Variants in CLIP3 observed in about 807,000 individuals in gnomAD.
CLIP3 encodes the protein CAP-Gly domain containing linker protein 3, also known as CAP-Gly domain-containing linker protein 3.
In CLIP3, 15 loss-of-function variants were observed where a neutral mutation model predicts 59.4. The observed-to-expected ratio is 0.25, with a 90% CI of 0.17 to 0.39. The LOEUF is 0.39. CLIP3 is among the 10% of genes least tolerant of loss of function. The probability of loss-of-function intolerance (pLI) is 1.00; values close to 1 mark genes in which losing one functional copy is unlikely to be tolerated. For missense variants in CLIP3, 495 were observed against 765.7 expected, an observed-to-expected ratio of 0.65 and a Z score of 4.17; for synonymous variants, 300 against 321.6, an observed-to-expected ratio of 0.93 and a Z score of 0.72.
Position 36,018,922 on chromosome 19 carries a change from C to G in CLIP3, c.1159G>C (p.Gly387Arg). 1 of 1,613,476 alleles carries G rather than the reference C, an allele frequency of 6.2e-7. No homozygotes were observed. Among genetic ancestry groups the G allele is most frequent in the South Asian group, 1.1e-5 (1 of 90,994 alleles). ...TPRMDFSRVT[G>R]KGRREHKGKK... ...CCTTTGTGTTCCCTGCGGCCTTTGC[C>G]GGTGACACGGGAGAAGTCCATCCGG... is the stretch of plus-strand genomic sequence containing the variant. Residue 387 changes from glycine (G) to arginine (R), a missense_variant, in exon 9 of 14, where the codon GGC (glycine) becomes CGC (arginine). Physicochemically the swap from Gly to Arg is moderately radical, Grantham distance 125. Around this residue, in one of 5 missense-constraint regions of CLIP3, gnomAD observed 179 missense variants for 226.2 expected, o/e 0.79. Transcript: ENST00000360535.
In CLIP3 at chr19:36,024,389, C is replaced by T. The variant is rs766730720; in HGVS notation, c.918+7G>A. ...CCACCATGCAAACACACATCCCAGC[C>T]CCTGACCTTCTGGCCATCCAGCAGC... is the stretch of plus-strand genomic sequence containing the variant. On this transcript the variant is annotated splice_region_variant and intron_variant, in intron 7 of 13. Coordinates refer to ENST00000360535, the MANE Select transcript of CLIP3 (RefSeq NM_015526.3). 2 of 1,612,114 alleles carry T rather than the reference C, an allele frequency of 1.2e-6. No individual in the cohort carries two copies. Among genetic ancestry groups the T allele is most frequent in the Non-Finnish European group, 1.7e-6 (2 of 1,179,186 alleles).
chr19:36,023,325 T>C (rs941507360), intron 7 of CLIP3, among the ~76,000 whole-genome samples: 3 of 152,086 alleles, frequency 2.0e-5, no homozygotes, highest in African/African-American at 7.2e-5. Flanking sequence ...CTCACCGCCC[T>C]TCCCATAACT....
intron 6 of CLIP3, among the ~76,000 whole-genome samples, chr19:36,025,323 G>C (rs528492121): frequency 1.8e-4 from 27 of 152,148 alleles, no homozygotes; most frequent in Non-Finnish European, 1.6e-4. Context: ...GGGTGCAGTG[G>C]CTTATGCTTA....
chr19:36,019,444 C>T, intron 7 of CLIP3, 138 bp from the exon 8 acceptor site: 1 of 1,021,266 alleles, frequency 9.8e-7, no homozygotes, highest in Non-Finnish European at 1.5e-6. Flanking sequence ...CATTTGCTGG[C>T]TACATGACTT....
rs897406285 is a variant in CLIP3 at position 36,032,572 on chromosome 19, G to A, written c.-59+152C>T. 57 of 379,602 alleles carry A rather than the reference G, an allele frequency of 1.5e-4. No individual in the cohort carries two copies. Among genetic ancestry groups the A allele is most frequent in the Non-Finnish European group, 2.2e-4 (48 of 214,562 alleles). 23.5% of individuals were successfully genotyped at this position (379,602 alleles called of 1,614,324 possible). A position where few individuals can be genotyped will look rare whatever the true frequency, so the allele number is the denominator to read the frequency against. ...GAGGGCCCCGGTGTGTGCGCCCAGC[G>A]CCTGCCACCTCCCCCAGGCCCAGCC... is the stretch of plus-strand genomic sequence containing the variant. On this transcript the variant is annotated intron_variant, in intron 1 of 13. Transcript: ENST00000360535. This position sits in a 1 kb window ranked among gnomAD's most constrained non-coding sequence, Gnocchi z 4.3.
At chr19:36,018,759 A>G (rs1442101261) in intron 9 of CLIP3, 139 bp downstream of exon 9, 10 of 1,174,402 alleles carry the variant, frequency 8.5e-6, no homozygotes, top group Non-Finnish European at 2.4e-6. Context: ...GGGGAAACTG[A>G]GTCACAGAAG....
intron 7 of CLIP3, 123 bp from the exon 8 acceptor site, chr19:36,019,429 A>G: frequency 8.5e-7 from 1 of 1,176,964 alleles, no homozygotes. Context: ...CAGGTCACAC[A>G]TCACCATTTG....
chr19:36,032,359 G>A lies in CLIP3; in HGVS notation c.-2C>T. 1 of 1,250,148 alleles carries A rather than the reference G, an allele frequency of 8.0e-7. No individual in the cohort carries two copies. Among genetic ancestry groups the A allele is most frequent in the Non-Finnish European group, 1.0e-6 (1 of 987,828 alleles). 77.4% of individuals were successfully genotyped at this position (1,250,148 alleles called of 1,614,324 possible). ...CGGGGCAGGATCTGTCTTAGTCATGGTCCTCGGTGGCCCTCGGGGGGCGGG... is the reference window on the plus strand; with the variant it reads ...CGGGGCAGGATCTGTCTTAGTCATGATCCTCGGTGGCCCTCGGGGGGCGGG... On this transcript the variant is annotated 5_prime_UTR_variant, in exon 2 of 14. Transcript: ENST00000360535. The surrounding 1 kb of genome is among the most constrained non-coding windows in gnomAD (Gnocchi z 4.3).
chr19:36,024,349 G>A (rs1444869312), intron 7 of CLIP3, 47 bp downstream of exon 7: 3 of 1,534,298 alleles, frequency 2.0e-6, no homozygotes, highest in African/African-American at 1.4e-5. Flanking sequence ...TTAAGGGGCT[G>A]AGTCCCACCC....
chr19:36,020,116 G>A (rs1381987697), intron 7 of CLIP3, among the ~76,000 whole-genome samples: 1 of 152,060 alleles, frequency 6.6e-6, no homozygotes, highest in Non-Finnish European at 1.5e-5. Context: ...ACCAGGTGCA[G>A]TAGCTCAAGC....
chr19:36,017,664 C>T lies in CLIP3; in HGVS notation c.1442G>A (p.Arg481His), dbSNP rs1233292286. Residue 481 changes from arginine to histidine, a missense_variant, in exon 11 of 14, where the codon CGT (arginine) becomes CAT (histidine). Transcript: ENST00000360535. ...PRHGVFAPAS[R>H]IQRIGGSTDS... is the part of the protein sequence containing the mutation. The stretch of plus-strand genomic sequence containing the variant: ...GGAAGTTTGGGCTCACCTCTGAATA[C>T]GGGATGCTGGTGCGAAGACCCCATG... 5.6e-6 allele frequency: 9 copies of T among 1,613,810 alleles called. No individual in the cohort carries two copies. Among genetic ancestry groups the T allele is most frequent in the East Asian group, 4.5e-5 (2 of 44,880 alleles).
chr19:36,017,529 A>G (rs890881489), intron 11 of CLIP3, 79 bp from the exon 12 acceptor site: 25 of 1,600,814 alleles, frequency 1.6e-5, no homozygotes, highest in Non-Finnish European at 2.1e-5. Context: ...CCAGGGATCT[A>G]TGAGGAAAGG....
At position 36,024,645 on chromosome 19, in the gene CLIP3, G is replaced by A. The variant is rs1202963644; in HGVS notation, c.682-13C>T. 1.2e-6 allele frequency: 2 copies of A among 1,612,340 alleles called. No individual in the cohort carries two copies. The highest frequency in any genetic ancestry group is 1.7e-6 in the Non-Finnish European group (2 of 1,178,792). ...GTCCTTTTCGATTCTGGGGGCCAAT[G>A]GGAAAAGAAGGCAGGGACTCAGTGG... is the stretch of plus-strand genomic sequence containing the variant. On this transcript the variant is annotated splice_polypyrimidine_tract_variant and intron_variant, in intron 6 of 13. Coordinates refer to ENST00000360535, the MANE Select transcript of CLIP3 (RefSeq NM_015526.3).
rs373851791 is a variant in CLIP3 at position 36,017,462 on chromosome 19, C to T, written c.1452-12G>A. 138 of 1,613,552 alleles carry T rather than the reference C, an allele frequency of 8.6e-5. No homozygotes were observed. Among genetic ancestry groups the T allele is most frequent in the Non-Finnish European group, 1.1e-4 (133 of 1,179,908 alleles). On this transcript the variant is annotated splice_polypyrimidine_tract_variant and intron_variant, in intron 11 of 13. Coordinates refer to ENST00000360535, the MANE Select transcript of CLIP3 (RefSeq NM_015526.3). Reference sequence around the variant, plus strand: ...TGGATCCGCCAATCCTGAGGAGACACGGGGAGGGGGAGAAGTCAGAGCCAC... The same window carrying T: ...TGGATCCGCCAATCCTGAGGAGACATGGGGAGGGGGAGAAGTCAGAGCCAC...
chr19:36,027,954 C>T (rs909155913), intron 2 of CLIP3, among the ~76,000 whole-genome samples: 1 of 151,558 alleles, frequency 6.6e-6, no homozygotes, highest in African/African-American at 2.4e-5. Context: ...TGCTTGAGCC[C>T]AGGAGTTCAA....
chr19:36,018,398 GCAAAACC>G (rs1968858240), intron 9 of CLIP3, among the ~76,000 whole-genome samples: 1 of 152,020 alleles, frequency 6.6e-6, no homozygotes, highest in African/African-American at 2.4e-5. Context: ...GGCCAACATG[GCAAAACC>G]CTGTCTCTAC....
At chr19:36,024,988 T>C (rs879258842) in intron 6 of CLIP3, among the ~76,000 whole-genome samples, 9 of 148,970 alleles carry the variant, frequency 6.0e-5, no homozygotes, top group Admixed American at 4.0e-4. Context: ...ATCGCTTGAA[T>C]CCGGGAAGCA....
rs149100841 is a variant in CLIP3 at position 36,017,943 on chromosome 19, C to T, written c.1232G>A (p.Arg411His). 101 of 1,613,996 alleles carry T rather than the reference C, an allele frequency of 6.3e-5. No individual in the cohort carries two copies. Among genetic ancestry groups the T allele is most frequent in the Non-Finnish European group, 8.1e-5 (96 of 1,180,044 alleles). Residue 411 changes from arginine to histidine, a missense_variant, in exon 10 of 14, where the codon CGT (arginine) becomes CAT (histidine). This residue lies in a region of CLIP3 where 179 missense variants were observed against 226.2 expected (regional missense o/e 0.79). Coordinates refer to ENST00000360535, the MANE Select transcript of CLIP3 (RefSeq NM_015526.3). ...TCCAACCTCAGCCTTGGCCCCGTCA[C>T]GCTGCTGCAAGCTGCCCAGAGATGG... Reference protein sequence around the residue: ...SSPSLGSLQQRDGAKAEVGDQ... With the variant: ...SSPSLGSLQQHDGAKAEVGDQ...
Position 36,026,505 on chromosome 19 carries a change from C to A in CLIP3, c.562+81G>T. On this transcript the variant is annotated intron_variant, in intron 5 of 13. Coordinates refer to ENST00000360535, the MANE Select transcript of CLIP3 (RefSeq NM_015526.3). This position sits in a 1 kb window ranked among gnomAD's most constrained non-coding sequence, Gnocchi z 6.3. ...CTCCTCAGATCACCGTCCTCCTTCC[C>A]CTCGCAGCCTGGCCTCACCTGGGTC... The A allele has an allele frequency of 6.4e-7, 1 of 1,572,342 alleles. No homozygotes were observed. Among genetic ancestry groups the A allele is most frequent in the East Asian group, 2.3e-5 (1 of 44,138 alleles).
Sources: gnomAD v4.1 joint callset for allele counts (sites outside exome capture counted in the v4.1 genomes callset) on GRCh38, gnomAD v4.1.1 for gene constraint, gnomAD v4.1.1 regional missense constraint, Gnocchi (gnomAD v3.1) non-coding constraint, MANE v1.5 for transcripts, NCBI Gene and HGNC (gene_info 2026-07-23, HGNC 2026-07-21) for gene names.